GSDMC: variants seen among roughly 807,000 people sequenced by gnomAD.
The protein encoded by GSDMC is gasdermin-C.
A neutral mutation model predicts 58.0 loss-of-function variants in GSDMC; 59 were observed. The observed-to-expected ratio is 1.02, with a 90% confidence interval of 0.82 to 1.26. The LOEUF is 1.26. GSDMC is among the 50% of genes most tolerant of loss of function. The pLI is 0.00. For missense variants in GSDMC, 659 were observed against 598.5 expected (o/e 1.10, Z -1.06); for synonymous variants, 241 against 220.2 (o/e 1.09, Z -0.83).
chr8:129,785,435 CA>C (rs539459769), intron 1 of GSDMC, among the ~76,000 whole-genome samples: 2 of 141,868 alleles, frequency 1.4e-5, no homozygotes, highest in African/African-American at 2.6e-5. Context: ...TAAATGAGCA[CA>C]AAAAAAATAG....
At chr8:129,731,098 C>T in the GSDMC span, among the ~76,000 whole-genome samples, 1 of 152,046 alleles carries the variant, frequency 6.6e-6, no homozygotes, top group African/African-American at 2.4e-5. Flanking sequence ...AGAAACCATA[C>T]CATTAACTTG....
chr8:129,781,951 G>A (rs371254430), intron 1 of GSDMC, among the ~76,000 whole-genome samples: 5 of 152,124 alleles, frequency 3.3e-5, no homozygotes, highest in East Asian at 1.9e-4. Context: ...ATTCTCAAGC[G>A]TAGACCATAT....
At chr8:129,765,845 T>C (rs1174555375) in intron 3 of GSDMC, 52 bp from the exon 4 acceptor site, 2 of 1,511,042 alleles carry the variant, frequency 1.3e-6, no homozygotes, top group Non-Finnish European at 1.8e-6. Flanking sequence ...GTGATGGCTT[T>C]TCAGGTTACT....
chr8:129,778,324 G>T (rs753085639), intron 1 of GSDMC, among the ~76,000 whole-genome samples: 2 of 152,228 alleles, frequency 1.3e-5, no homozygotes, highest in East Asian at 3.9e-4. Flanking sequence ...GGGCAAGTTG[G>T]TGAAGGCCCA....
At chr8:129,742,959 T>C in the GSDMC span, among the ~76,000 whole-genome samples, 49,356 of 152,076 alleles carry the variant, frequency 0.32, 11,605 homozygotes, top group African/African-American at 0.65. Flanking sequence ...TTATCATGGA[T>C]TTGCATTATA....
chr8:129,759,916 C>T (rs115242123), intron 6 of GSDMC, among the ~76,000 whole-genome samples: 239 of 152,128 alleles, frequency 1.6e-3, no homozygotes, highest in African/African-American at 5.4e-3. Flanking sequence ...TAAGAACAAA[C>T]ATTGCAACAC....
chr8:129,785,155 G>A (rs189034069), intron 1 of GSDMC, among the ~76,000 whole-genome samples: 3 of 152,248 alleles, frequency 2.0e-5, no homozygotes, highest in African/African-American at 7.2e-5. Flanking sequence ...AGGTTGCAGT[G>A]AGTCGAGATT....
chr8:129,751,927 T>C (rs1184683147), intron 8 of GSDMC, 36 bp from the exon 9 acceptor site: 1 of 1,599,948 alleles, frequency 6.3e-7, no homozygotes, highest in South Asian at 1.1e-5. Context: ...CCAAAGAGGC[T>C]CAAAGACTAG....
At chr8:129,773,364 G>A (rs1009279960) in intron 3 of GSDMC, among the ~76,000 whole-genome samples, 16 of 152,070 alleles carry the variant, frequency 1.1e-4, no homozygotes, top group Non-Finnish European at 2.2e-4. Context: ...CTTATACATC[G>A]AAAATCCTAA....
At position 129,773,997 on chromosome 8, in the gene GSDMC, T is replaced by G. The variant is rs140185900; in HGVS notation, c.404+2105A>C. Reference sequence around the variant, plus strand: ...AAATGTCATACTACTCAAAGCAATTTACAGATTCAATGCAATTCTTATCAA... The same window carrying G: ...AAATGTCATACTACTCAAAGCAATTGACAGATTCAATGCAATTCTTATCAA... On this transcript the variant is annotated intron_variant, in intron 3 of 13. Coordinates refer to ENST00000276708, the MANE Select transcript of GSDMC (RefSeq NM_031415.3). 2.1e-3 allele frequency among the ~76,000 whole-genome samples: 315 copies of G among 152,260 alleles called. 2 individuals carry two copies. The highest frequency in any genetic ancestry group is 7.3e-3 in the African/African-American group (302 of 41,544).
In GSDMC at chr8:129,760,532, C is replaced by T; in HGVS notation, c.721+13G>A. 6 of 1,544,244 alleles carry T rather than the reference C, an allele frequency of 3.9e-6. No individual in the cohort carries two copies. Among genetic ancestry groups the T allele is most frequent in the Non-Finnish European group, 5.4e-6 (6 of 1,118,846 alleles). Reference sequence around the variant, plus strand: ...AAAATAAAAAAATAAAAAGACCAGGCTTTGGAACTCACCATCTTGAAAGGT... The same window carrying T: ...AAAATAAAAAAATAAAAAGACCAGGTTTTGGAACTCACCATCTTGAAAGGT... On this transcript the variant is annotated intron_variant, in intron 6 of 13. Coordinates refer to ENST00000276708, the MANE Select transcript of GSDMC (RefSeq NM_031415.3).
intron 6 of GSDMC, among the ~76,000 whole-genome samples, chr8:129,755,597 T>G (rs531013369): frequency 6.6e-6 from 1 of 152,144 alleles, no homozygotes; most frequent in South Asian, 2.1e-4. Context: ...AATTATGGCA[T>G]GTAAACTATT....
chr8:129,713,280 T>C, the GSDMC span, among the ~76,000 whole-genome samples: 1 of 152,140 alleles, frequency 6.6e-6, no homozygotes, highest in Non-Finnish European at 1.5e-5. Flanking sequence ...ACTTCACAGC[T>C]GTGTGTCTGT....
chr8:129,730,822 G>A, the GSDMC span, among the ~76,000 whole-genome samples: 1 of 152,094 alleles, frequency 6.6e-6, no homozygotes, highest in Non-Finnish European at 1.5e-5. Flanking sequence ...CTTGAAATGG[G>A]GCTACAGGCC....
At chr8:129,733,366 GGTCCCTGACCCC>G in the GSDMC span, among the ~76,000 whole-genome samples, 1 of 152,192 alleles carries the variant, frequency 6.6e-6, no homozygotes, top group African/African-American at 2.4e-5. Context: ...TCCTCGAGTG[GGTCCCTGACCCC>G]CATGTAGCCT....
the GSDMC span, among the ~76,000 whole-genome samples, chr8:129,738,370 G>T: frequency 6.6e-6 from 1 of 152,086 alleles, no homozygotes; most frequent in Admixed American, 6.5e-5. Context: ...GTTTATTGTG[G>T]CACTATTCAC....
At chr8:129,751,521 T>G in intron 10 of GSDMC, 21 bp downstream of exon 10, 1 of 1,604,208 alleles carries the variant, frequency 6.2e-7, no homozygotes, top group Non-Finnish European at 8.5e-7. Flanking sequence ...AGCCCCAGGT[T>G]CCCCCTTAAT....
the GSDMC span, among the ~76,000 whole-genome samples, chr8:129,736,619 G>T: frequency 1.1e-4 from 16 of 152,136 alleles, no homozygotes; most frequent in African/African-American, 3.6e-4. Flanking sequence ...CAATAAATTA[G>T]GTATTGATGG....
At chr8:129,719,785 A>G in the GSDMC span, among the ~76,000 whole-genome samples, 5 of 152,174 alleles carry the variant, frequency 3.3e-5, no homozygotes, top group Admixed American at 2.6e-4. Flanking sequence ...TCTCTACTAA[A>G]AATACAAAGA....
Sources: gnomAD v4.1 joint callset for allele counts (sites outside exome capture counted in the v4.1 genomes callset) on GRCh38, gnomAD v4.1.1 for gene constraint, MANE v1.5 for transcripts, NCBI Gene and HGNC (gene_info 2026-07-23, HGNC 2026-07-21) for gene names.